The following PHKA2 variants were observed in gnomAD, a reference collection of about 807,000 sequenced individuals.
PHKA2 encodes phosphorylase kinase regulatory subunit alpha 2, also known as phosphorylase b kinase regulatory subunit alpha, liver isoform.
A neutral mutation model predicts 102.0 loss-of-function variants in PHKA2; 31 were observed. The observed-to-expected ratio is 0.30, with a 90% confidence interval of 0.23 to 0.41. PHKA2 has a LOEUF of 0.41. Ranked by LOEUF, PHKA2 falls within the 10% of genes least tolerant of loss-of-function variation. PHKA2 has a pLI of 1.00. For missense variants in PHKA2, 858 were observed against 1,023.1 expected (o/e 0.84, Z 2.20); for synonymous variants, 455 against 416.2 (o/e 1.09, Z -1.13).
At chrX:18,964,227 G>A (rs1031577402) in intron 1 of PHKA2, among the ~76,000 whole-genome samples, 1 of 110,553 alleles carries the variant, frequency 9.0e-6, no homozygotes, top group Admixed American at 9.7e-5. Context: ...CTGTGCACAC[G>A]CTTGCTCCTC....
chrX:18,964,831 C>T (rs892602154), intron 1 of PHKA2, among the ~76,000 whole-genome samples: 2 of 112,661 alleles, frequency 1.8e-5, no homozygotes, highest in Admixed American at 1.9e-4. Context: ...CCTCAGGTGG[C>T]TTGGAGAATA....
In PHKA2 at chrX:18,925,744, G is replaced by A. The variant is rs199792389; in HGVS notation, c.1493C>T (p.Pro498Leu). The part of the protein sequence containing the change: ...RNKNMNLSGR[P>L]YRHIGVLGTS... The stretch of plus-strand genomic sequence containing the variant: ...TCCAAGGACACCAATATGTCGATAC[G>A]GTCGCCCACTCAAATTCATATTCTT... Residue 498 changes from proline to leucine, a missense_variant, in exon 15 of 33, where the codon CCG becomes CTG. By Grantham distance (98) the Pro-to-Leu change is moderately conservative. Coordinates refer to ENST00000379942, the MANE Select transcript of PHKA2 (RefSeq NM_000292.3). 294 of 1,190,422 alleles carry A rather than the reference G, an allele frequency of 2.5e-4. No homozygotes were observed. Among genetic ancestry groups the A allele is most frequent in the Non-Finnish European group, 3.3e-4 (286 of 877,801 alleles).
At chrX:18,911,483 A>T (rs1214277444) in intron 19 of PHKA2, among the ~76,000 whole-genome samples, 4 of 110,870 alleles carry the variant, frequency 3.6e-5, no homozygotes, top group African/African-American at 1.3e-4. Flanking sequence ...TAATTTTTAT[A>T]TTTTTAGTAG....
intron 19 of PHKA2, among the ~76,000 whole-genome samples, chrX:18,912,461 A>G (rs1221943245): frequency 9.0e-6 from 1 of 111,249 alleles, no homozygotes; most frequent in Non-Finnish European, 1.9e-5. Context: ...AAACATAGAA[A>G]AGGTATGGTA....
At chrX:18,978,841 A>C (rs1601810208) in intron 1 of PHKA2, among the ~76,000 whole-genome samples, 2 of 111,986 alleles carry the variant, frequency 1.8e-5, no homozygotes, top group East Asian at 5.6e-4. Context: ...TAAGGCCCTC[A>C]GAATGCTTTC....
At chrX:18,959,072 T>G (rs140161700) in intron 1 of PHKA2, among the ~76,000 whole-genome samples, 1 of 111,943 alleles carries the variant, frequency 8.9e-6, no homozygotes, top group African/African-American at 3.2e-5. Context: ...CAACCTTCCA[T>G]GTATTGTGTT....
At chrX:18,937,161 AC>A (rs1203210039) in intron 10 of PHKA2, among the ~76,000 whole-genome samples, 1 of 107,043 alleles carries the variant, frequency 9.3e-6, no homozygotes, top group Non-Finnish European at 1.9e-5. Flanking sequence ...GCTCATCCCC[AC>A]CCCCACCAAA....
intron 1 of PHKA2, among the ~76,000 whole-genome samples, chrX:18,972,147 G>A (rs1050114485): frequency 3.6e-5 from 4 of 111,966 alleles, no homozygotes; most frequent in East Asian, 5.6e-4. Context: ...TCTTGTGCAC[G>A]GTCTAAGAGA....
chrX:18,943,176 C>G (rs1219523190), intron 7 of PHKA2, among the ~76,000 whole-genome samples: 1 of 111,847 alleles, frequency 8.9e-6, no homozygotes, highest in Non-Finnish European at 1.9e-5. Context: ...CAATTGATGA[C>G]GTGCACTCTG....
intron 1 of PHKA2, among the ~76,000 whole-genome samples, chrX:18,964,020 G>A (rs781641570): frequency 9.0e-6 from 1 of 110,554 alleles, no homozygotes; most frequent in South Asian, 3.9e-4. Flanking sequence ...AGAATTCGAA[G>A]ATTTCTGCAC....
intron 18 of PHKA2, among the ~76,000 whole-genome samples, chrX:18,919,091 C>T (rs192290759): frequency 5.2e-4 from 58 of 111,292 alleles, no homozygotes; most frequent in African/African-American, 1.7e-3. Flanking sequence ...AAAAAACTAC[C>T]AGTCAAGATA....
At chrX:18,903,838 G>C (rs769077890) in intron 26 of PHKA2, among the ~76,000 whole-genome samples, 1 of 112,023 alleles carries the variant, frequency 8.9e-6, no homozygotes, top group African/African-American at 3.2e-5. Context: ...AAGTGTGATC[G>C]TATCACTGCC....
At chrX:18,971,193 A>C (rs749930987) in intron 1 of PHKA2, among the ~76,000 whole-genome samples, 1 of 112,621 alleles carries the variant, frequency 8.9e-6, no homozygotes, top group Non-Finnish European at 1.9e-5. Context: ...TCTTCTCATG[A>C]GTGACACATG....
At chrX:18,924,899 G>A (rs1205316671) in intron 15 of PHKA2, among the ~76,000 whole-genome samples, 1 of 112,271 alleles carries the variant, frequency 8.9e-6, no homozygotes, top group African/African-American at 3.2e-5. Context: ...GTGAGCAGGT[G>A]GGAGGTGGAC....
chrX:18,965,810 C>G (rs1224273457), intron 1 of PHKA2, among the ~76,000 whole-genome samples: 5 of 111,752 alleles, frequency 4.5e-5, no homozygotes, highest in African/African-American at 1.6e-4. Context: ...GTATTTATTT[C>G]ACTAGTTAAC....
intron 13 of PHKA2, among the ~76,000 whole-genome samples, chrX:18,927,902 G>C (rs1036678747): frequency 2.7e-5 from 3 of 111,742 alleles, no homozygotes; most frequent in Non-Finnish European, 5.6e-5. Context: ...CAGTGGTTTT[G>C]GGGGAGACCT....
chrX:18,953,456 G>C (rs935453404), intron 2 of PHKA2, among the ~76,000 whole-genome samples: 2 of 112,102 alleles, frequency 1.8e-5, no homozygotes, highest in Non-Finnish European at 3.8e-5. Flanking sequence ...AATTAGAAAC[G>C]TATTTTTAAG....
intron 1 of PHKA2, among the ~76,000 whole-genome samples, chrX:18,963,294 C>A (rs2048895043): frequency 8.9e-6 from 1 of 112,411 alleles, no homozygotes; most frequent in Non-Finnish European, 1.9e-5. Context: ...GTTGGACCAC[C>A]TGAGAGCCAC....
At chrX:18,913,683 A>C (rs756556909) in intron 19 of PHKA2, among the ~76,000 whole-genome samples, 13 of 112,562 alleles carry the variant, frequency 1.2e-4, no homozygotes, top group African/African-American at 4.2e-4. Flanking sequence ...GGCATGAGCC[A>C]CCACAGCCGG....
Sources: allele counts gnomAD v4.1 joint callset (sites outside exome capture counted in the v4.1 genomes callset), GRCh38; gene constraint gnomAD v4.1.1; transcripts MANE v1.5; gene names NCBI Gene and HGNC (gene_info 2026-07-23, HGNC 2026-07-21).